Variants in TSHZ1 observed in about 807,000 individuals in gnomAD.
TSHZ1 encodes teashirt homolog 1.
Under a neutral mutation model 67.1 loss-of-function variants are expected in TSHZ1, and 12 were observed. The observed-to-expected ratio is 0.18, with a 90% CI of 0.11 to 0.29. TSHZ1 has a LOEUF of 0.29. TSHZ1 is among the 10% of genes least tolerant of loss of function. The pLI is 1.00. For synonymous variants in TSHZ1, 632 were observed against 622.4 expected, an observed-to-expected ratio of 1.02 and a Z score of -0.23; for missense variants, 1,305 against 1,413.9, an observed-to-expected ratio of 0.92 and a Z score of 1.23.
At chr18:75,271,611 C>T (rs1416488959) in intron 1 of TSHZ1, among the ~76,000 whole-genome samples, 3 of 152,164 alleles carry the variant, frequency 2.0e-5, no homozygotes, top group Admixed American at 2.0e-4. Flanking sequence ...GAAGTGACAG[C>T]CATCTTTGAG....
intron 1 of TSHZ1, among the ~76,000 whole-genome samples, chr18:75,249,777 C>T (rs2023273144): frequency 6.6e-6 from 1 of 150,700 alleles, no homozygotes; most frequent in Admixed American, 6.6e-5. Flanking sequence ...TTACTTCCTC[C>T]TCCCTGCCTC....
At position 75,287,111 on chromosome 18, in the gene TSHZ1, T is replaced by C; in HGVS notation, c.1704T>C (p.Asn568=). ...TVSTAISKAQ[N]GAPSWGGYPS... ...CCACGGCCATTAGCAAAGCTCAGAA[T>C]GGTGCGCCCTCATGGGGTGGCTACC... Residue 568 remains asparagine (N), a synonymous_variant, in exon 2 of 2, where the codon AAT becomes AAC. Transcript: ENST00000580243. This position sits in a 1 kb window ranked among gnomAD's most constrained non-coding sequence, Gnocchi z 5.0. 5 of 1,614,118 alleles carry C rather than the reference T, an allele frequency of 3.1e-6. No individual in the cohort carries two copies. Among genetic ancestry groups the C allele is most frequent in the Non-Finnish European group, 4.2e-6 (5 of 1,180,020 alleles).
intron 1 of TSHZ1, among the ~76,000 whole-genome samples, chr18:75,216,982 C>T (rs1408681205): frequency 2.0e-5 from 3 of 152,204 alleles, no homozygotes; most frequent in Admixed American, 1.3e-4. Flanking sequence ...TGCCCTGTGC[C>T]GCCTGATCAT....
chr18:75,220,948 G>T (rs1409638852), intron 1 of TSHZ1: 1 of 152,188 alleles, frequency 6.6e-6, no homozygotes, highest in Non-Finnish European at 1.5e-5. Flanking sequence ...AAAATATAAG[G>T]CAGGATTTCC....
chr18:75,242,712 T>G (rs1272088912), intron 1 of TSHZ1, among the ~76,000 whole-genome samples: 1 of 152,256 alleles, frequency 6.6e-6, no homozygotes, highest in Non-Finnish European at 1.5e-5. Context: ...GACAGAGATG[T>G]GGGCAGTTCA....
At chr18:75,267,184 C>T (rs2023499249) in intron 1 of TSHZ1, among the ~76,000 whole-genome samples, 1 of 152,156 alleles carries the variant, frequency 6.6e-6, no homozygotes, top group Non-Finnish European at 1.5e-5. Context: ...GGGGGAAAAC[C>T]TCATTTTACA....
At chr18:75,275,634 G>T (rs184435563) in intron 1 of TSHZ1, among the ~76,000 whole-genome samples, 1 of 152,334 alleles carries the variant, frequency 6.6e-6, no homozygotes, top group South Asian at 2.1e-4. Context: ...ATAGTACCAA[G>T]TTGGAACCTG....
At chr18:75,278,409 A>G (rs2023641706) in intron 1 of TSHZ1, among the ~76,000 whole-genome samples, 1 of 151,982 alleles carries the variant, frequency 6.6e-6, no homozygotes, top group African/African-American at 2.4e-5. Context: ...CTGGGTTGGA[A>G]TTTCTCCTAT....
intron 1 of TSHZ1, among the ~76,000 whole-genome samples, chr18:75,257,768 A>T (rs1185959679): frequency 6.6e-6 from 1 of 152,172 alleles, no homozygotes; most frequent in African/African-American, 2.4e-5. Context: ...TTCAAACGCC[A>T]GTCGTCACGT....
intron 1 of TSHZ1, among the ~76,000 whole-genome samples, chr18:75,248,121 G>A (rs2023247251): frequency 6.6e-6 from 1 of 152,176 alleles, no homozygotes. Context: ...ATATATGTGA[G>A]CTTACAAAAA....
At chr18:75,273,906 C>T (rs2023585282) in intron 1 of TSHZ1, among the ~76,000 whole-genome samples, 1 of 152,188 alleles carries the variant, frequency 6.6e-6, no homozygotes, top group South Asian at 2.1e-4. Flanking sequence ...TTTATTCACA[C>T]CCATGCACAT....
At chr18:75,255,087 T>C (rs1318787012) in intron 1 of TSHZ1, among the ~76,000 whole-genome samples, 1 of 152,252 alleles carries the variant, frequency 6.6e-6, no homozygotes, top group East Asian at 1.9e-4. Flanking sequence ...GTATCTGTTT[T>C]AATGTATGTA....
intron 1 of TSHZ1, among the ~76,000 whole-genome samples, chr18:75,261,144 A>G (rs1047019857): frequency 7.2e-5 from 11 of 152,004 alleles, no homozygotes; most frequent in Admixed American, 3.3e-4. Flanking sequence ...GAGTGTTGAC[A>G]AACAACTCTA....
chr18:75,255,175 A>G (rs1304306885), intron 1 of TSHZ1, among the ~76,000 whole-genome samples: 1 of 152,028 alleles, frequency 6.6e-6, no homozygotes, highest in Non-Finnish European at 1.5e-5. Flanking sequence ...CTCCTCTACC[A>G]TCTGGGATGC....
At chr18:75,274,953 T>G (rs1342529347) in intron 1 of TSHZ1, among the ~76,000 whole-genome samples, 13 of 152,222 alleles carry the variant, frequency 8.5e-5, no homozygotes, top group Admixed American at 8.5e-4. Flanking sequence ...GAGACAATTA[T>G]GCAGGATGTG....
intron 1 of TSHZ1, among the ~76,000 whole-genome samples, chr18:75,277,371 T>G (rs1038595613): frequency 6.6e-6 from 1 of 152,336 alleles, no homozygotes; most frequent in Admixed American, 6.5e-5. Flanking sequence ...TGATTCATTC[T>G]GTGAGTCTGT....
intron 1 of TSHZ1, among the ~76,000 whole-genome samples, chr18:75,246,021 G>A (rs149097124): frequency 0.013 from 1,943 of 152,272 alleles, 17 homozygotes; most frequent in South Asian, 0.022. Context: ...CTCTCCCCCA[G>A]CAAACACCAC....
In TSHZ1 at chr18:75,286,244, C is replaced by T. The variant is rs1223824481; in HGVS notation, c.837C>T (p.Asp279=). The T allele has an allele frequency of 6.2e-7, 1 of 1,613,908 alleles. No individual in the cohort carries two copies. Among genetic ancestry groups the T allele is most frequent in the African/African-American group, 1.3e-5 (1 of 74,912 alleles). Residue 279 remains aspartate (D), a synonymous_variant, in exon 2 of 2, where the codon GAC becomes GAT. Transcript: ENST00000580243. This position sits in a 1 kb window ranked among gnomAD's most constrained non-coding sequence, Gnocchi z 5.1. ...ACCGTGACGACAACAGGGACAAGGA[C>T]TCCGAGAAGACCAAGAGGTGGTCCA... is the stretch of plus-strand genomic sequence containing the variant. The part of the protein sequence containing the change: ...GHYRDDNRDK[D]SEKTKRWSKP...
At chr18:75,246,307 A>G (rs1341795350) in intron 1 of TSHZ1, among the ~76,000 whole-genome samples, 1 of 152,080 alleles carries the variant, frequency 6.6e-6, no homozygotes, top group Non-Finnish European at 1.5e-5. Flanking sequence ...TGTGAGCTTC[A>G]TAGTGGGAAG....
Sources: gnomAD v4.1 joint callset for allele counts (sites outside exome capture counted in the v4.1 genomes callset) on GRCh38, gnomAD v4.1.1 for gene constraint, Gnocchi (gnomAD v3.1) non-coding constraint, MANE v1.5 for transcripts, NCBI Gene and HGNC (gene_info 2026-07-23, HGNC 2026-07-21) for gene names.